ABI2: variants seen among roughly 807,000 people sequenced by gnomAD.
ABI2 encodes abelson interactor 2.
A neutral mutation model predicts 59.2 loss-of-function variants in ABI2; 25 were observed. That is an observed-to-expected ratio of 0.42 (90% CI 0.31 to 0.59). ABI2 has a LOEUF of 0.59. Ranked by LOEUF, ABI2 falls within the 20% of genes least tolerant of loss-of-function variation. The pLI is 0.14. For synonymous variants in ABI2, 213 were observed against 235.5 expected (o/e 0.90, Z 0.87); for missense variants, 545 against 681.8 (o/e 0.80, Z 2.23).
intron 4 of ABI2, among the ~76,000 whole-genome samples, chr2:203,390,642 A>G (rs1485987680): frequency 6.6e-6 from 1 of 152,196 alleles, no homozygotes; most frequent in Non-Finnish European, 1.5e-5. Context: ...AGAAAAAAAA[A>G]AAGAAAGTTA....
At chr2:203,370,157 T>C (rs1469167756) in intron 2 of ABI2, among the ~76,000 whole-genome samples, 1 of 151,934 alleles carries the variant, frequency 6.6e-6, no homozygotes, top group African/African-American at 2.4e-5. Flanking sequence ...TTTTAGGTTT[T>C]GTGGGCTACG....
At chr2:203,373,057 G>A (rs2095403889) in intron 2 of ABI2, among the ~76,000 whole-genome samples, 1 of 152,170 alleles carries the variant, frequency 6.6e-6, no homozygotes, top group Non-Finnish European at 1.5e-5. Flanking sequence ...TTCCCAGATG[G>A]GGTGGCGGCC....
chr2:203,394,708 C>G lies in ABI2; in HGVS notation c.587C>G (p.Ser196Cys), dbSNP rs748729529. 1 of 1,613,716 alleles carries G rather than the reference C, an allele frequency of 6.2e-7. No homozygotes were observed. Among genetic ancestry groups the G allele is most frequent in the Non-Finnish European group, 8.5e-7 (1 of 1,179,896 alleles). ...MSGKGTLGRH[S>C]PYRTLEPVRP... ...CGCTCTTCTTTTTGTAGGCGGCACT[C>G]CCCCTATCGCACACTGGAGCCAGTG... Residue 196 changes from serine (S) to cysteine (C), a missense_variant, in exon 6 of 12, where the codon TCC (serine) becomes TGC (cysteine). Coordinates refer to ENST00000261018, the MANE Select transcript of ABI2 (RefSeq NM_001375670.1).
At chr2:203,348,908 T>G (rs943824321) in intron 1 of ABI2, among the ~76,000 whole-genome samples, 5 of 150,236 alleles carry the variant, frequency 3.3e-5, no homozygotes, top group African/African-American at 9.8e-5. Flanking sequence ...GCTGAAGGTG[T>G]TTTTTTTTGT....
chr2:203,407,699 CT>C (rs1553602147), intron 9 of ABI2, among the ~76,000 whole-genome samples: 1 of 152,108 alleles, frequency 6.6e-6, no homozygotes, highest in Non-Finnish European at 1.5e-5. Flanking sequence ...GTTTGGAGAT[CT>C]TTTGGTGGTT....
chr2:203,346,206 G>A lies in ABI2; in HGVS notation c.117+17575G>A, dbSNP rs2083425415. Reference sequence around the variant, plus strand: ...TGATTCCAAATAAGATTTCAGAATAGTAAGCTATTTCCCAACTATTTAAAT... The same window carrying A: ...TGATTCCAAATAAGATTTCAGAATAATAAGCTATTTCCCAACTATTTAAAT... On this transcript the variant is annotated intron_variant, in intron 1 of 11. Transcript: ENST00000261018. Among the ~76,000 whole-genome samples, 4 of 152,162 alleles carry A rather than the reference G, an allele frequency of 2.6e-5. No individual in the cohort carries two copies. In the South Asian group the frequency reaches 8.3e-4, roughly 32 times the overall value.
intron 2 of ABI2, 23 bp from the exon 3 acceptor site, chr2:203,380,185 G>T (rs1559278083): frequency 2.0e-6 from 3 of 1,482,080 alleles, no homozygotes; most frequent in East Asian, 2.4e-5. Flanking sequence ...TTTTTGTGTT[G>T]TTTTTTACAT....
At chr2:203,331,895 C>T (rs116426890) in intron 1 of ABI2, among the ~76,000 whole-genome samples, 12,550 of 149,778 alleles carry the variant, frequency 0.084, 704 homozygotes, top group Non-Finnish European at 0.12. Context: ...CTGCAACCTT[C>T]GTCCCCCGGG....
intron 7 of ABI2, among the ~76,000 whole-genome samples, chr2:203,396,172 G>A (rs1444610891): frequency 6.6e-6 from 1 of 152,154 alleles, no homozygotes; most frequent in Non-Finnish European, 1.5e-5. Flanking sequence ...GGCTGTATTG[G>A]AATTTAGTAG....
At chr2:203,372,846 C>A (rs1405501789) in intron 2 of ABI2, among the ~76,000 whole-genome samples, 2 of 151,454 alleles carry the variant, frequency 1.3e-5, no homozygotes, top group South Asian at 4.2e-4. Flanking sequence ...CGCGGCTGGG[C>A]GCCCTCATAT....
intron 1 of ABI2, among the ~76,000 whole-genome samples, chr2:203,358,466 A>C (rs137983445): frequency 4.7e-4 from 72 of 152,260 alleles, no homozygotes; most frequent in African/African-American, 1.7e-3. Flanking sequence ...AGTTTGAACA[A>C]ACTTAAACAA....
intron 11 of ABI2, among the ~76,000 whole-genome samples, chr2:203,420,192 G>C (rs1045779573): frequency 2.6e-5 from 4 of 152,160 alleles, no homozygotes; most frequent in African/African-American, 4.8e-5. Flanking sequence ...GGCAGACCTA[G>C]GATTGAGTCT....
chr2:203,392,581 G>A (rs2096803032), intron 5 of ABI2, among the ~76,000 whole-genome samples: 1 of 152,180 alleles, frequency 6.6e-6, no homozygotes. Context: ...AAACTTCAAG[G>A]TAGAATGTAG....
chr2:203,344,906 C>A (rs372581889), intron 1 of ABI2, among the ~76,000 whole-genome samples: 1 of 152,142 alleles, frequency 6.6e-6, no homozygotes, highest in Non-Finnish European at 1.5e-5. Context: ...TCTGTAAAAA[C>A]GAACCAATCA....
rs567514607 is a variant in ABI2 at position 203,426,416 on chromosome 2, G to C, written c.1454-761G>C. On this transcript the variant is annotated intron_variant, in intron 11 of 11. Coordinates refer to ENST00000261018, the MANE Select transcript of ABI2 (RefSeq NM_001375670.1). ...ACCAGAGATTATCTGGTTGAAATAA[G>C]ATAACAGTTGAAATAACCACTGAGA... Among the ~76,000 whole-genome samples, 21 of 152,262 alleles carry C rather than the reference G, an allele frequency of 1.4e-4. No homozygotes were observed. In the South Asian group the frequency reaches 2.1e-3, roughly 15 times the overall value.
intron 1 of ABI2, 59 bp from the exon 2 acceptor site, chr2:203,366,818 A>T: frequency 6.9e-7 from 1 of 1,453,544 alleles, no homozygotes; most frequent in Non-Finnish European, 9.2e-7. Context: ...TTGGTAGGTT[A>T]GTTTGCTAGA....
At chr2:203,418,577 T>G (rs2098024095) in intron 11 of ABI2, among the ~76,000 whole-genome samples, 1 of 152,238 alleles carries the variant, frequency 6.6e-6, no homozygotes, top group African/African-American at 2.4e-5. Flanking sequence ...GCTCACAACA[T>G]GGCAGCTAAC....
At chr2:203,403,687 A>C (rs1208603480) in intron 9 of ABI2, among the ~76,000 whole-genome samples, 1 of 150,834 alleles carries the variant, frequency 6.6e-6, no homozygotes, top group East Asian at 1.9e-4. Context: ...GGTGATGGTC[A>C]GGTTAGGATT....
chr2:203,381,101 G>A (rs2153219179), intron 3 of ABI2, among the ~76,000 whole-genome samples: 1 of 152,276 alleles, frequency 6.6e-6, no homozygotes, highest in East Asian at 1.9e-4. Context: ...TACAGTTCAT[G>A]TAGTTGATTT....
Sources: allele counts gnomAD v4.1 joint callset (sites outside exome capture counted in the v4.1 genomes callset), GRCh38; gene constraint gnomAD v4.1.1; transcripts MANE v1.5; gene names NCBI Gene and HGNC (gene_info 2026-07-23, HGNC 2026-07-21).